SCFD2: variants seen among roughly 807,000 people sequenced by gnomAD.
SCFD2 encodes the protein sec1 family domain-containing protein 2.
SCFD2 carries 54 observed loss-of-function variants against 58.9 expected under a neutral mutation model. The observed-to-expected ratio is 0.92, with a 90% confidence interval of 0.74 to 1.15. The LOEUF (loss-of-function observed/expected upper bound fraction) is 1.15. Among genes scored for constraint, SCFD2 ranks in the 50% most tolerant of loss-of-function variants. The pLI, the probability that SCFD2 is intolerant of heterozygous loss-of-function variation, is 0.00. For missense variants in SCFD2, 805 were observed against 836.6 expected (o/e 0.96, Z 0.47); for synonymous variants, 321 against 335.9 (o/e 0.96, Z 0.49).
intron 5 of SCFD2, among the ~76,000 whole-genome samples, chr4:53,062,829 T>C (rs944026100): frequency 6.6e-6 from 1 of 152,166 alleles, no homozygotes; most frequent in Non-Finnish European, 1.5e-5. Context: ...AAATCACATC[T>C]GTGATTAGAC....
chr4:52,963,121 A>C (rs1228853711), intron 5 of SCFD2, among the ~76,000 whole-genome samples: 1 of 152,224 alleles, frequency 6.6e-6, no homozygotes, highest in Admixed American at 6.5e-5. Flanking sequence ...AGTTTTACCA[A>C]GTCGAAGTCT....
intron 4 of SCFD2, among the ~76,000 whole-genome samples, chr4:53,251,122 A>G (rs1730357714): frequency 6.6e-6 from 1 of 152,254 alleles, no homozygotes; most frequent in South Asian, 2.1e-4. Context: ...CAAATAAACA[A>G]GAAAATCTAG....
chr4:52,898,775 T>C (rs1219873212), intron 7 of SCFD2, among the ~76,000 whole-genome samples: 4 of 152,186 alleles, frequency 2.6e-5, no homozygotes, highest in Non-Finnish European at 5.9e-5. Flanking sequence ...CCACTATTAT[T>C]GTGTGGGAGT....
At chr4:53,339,847 T>C (rs549470601) in intron 2 of SCFD2, among the ~76,000 whole-genome samples, 54 of 151,486 alleles carry the variant, frequency 3.6e-4, no homozygotes, top group East Asian at 7.7e-4. Flanking sequence ...ACAGAAAGAC[T>C]GGATAAAAGA....
rs181421992 is a variant in SCFD2 at position 53,181,762 on chromosome 4, G to A, written c.1312-36180C>T. Among the ~76,000 whole-genome samples, 21 of 152,214 alleles carry A rather than the reference G, an allele frequency of 1.4e-4. No homozygotes were observed. The South Asian group carries it at 2.1e-3, about 15-fold the overall frequency. On this transcript the variant is annotated intron_variant, in intron 4 of 8. Transcript: ENST00000401642. The stretch of plus-strand genomic sequence containing the variant: ...GATTGAATATCTAGAAAACCCCATC[G>A]TCTCAGCCCAAAATCTCCTCAAGCT...
At chr4:53,000,411 T>A (rs1721837432) in intron 5 of SCFD2, among the ~76,000 whole-genome samples, 1 of 152,148 alleles carries the variant, frequency 6.6e-6, no homozygotes, top group Non-Finnish European at 1.5e-5. Flanking sequence ...CAGCAACAAG[T>A]GGCTGGAGCT....
intron 5 of SCFD2, among the ~76,000 whole-genome samples, chr4:53,072,863 T>C (rs372827385): frequency 1.3e-5 from 2 of 152,102 alleles, no homozygotes; most frequent in South Asian, 2.1e-4. Context: ...ATCCTAGTTT[T>C]CTGTGGCCAC....
intron 2 of SCFD2, among the ~76,000 whole-genome samples, chr4:53,322,017 T>C (rs764237147): frequency 6.6e-6 from 1 of 152,084 alleles, no homozygotes; most frequent in South Asian, 2.1e-4. Context: ...AAAACAGAGA[T>C]TGAGAACTTT....
intron 6 of SCFD2, among the ~76,000 whole-genome samples, chr4:52,912,920 C>T (rs1451309061): frequency 2.6e-5 from 4 of 152,192 alleles, no homozygotes; most frequent in Admixed American, 1.3e-4. Flanking sequence ...GATTCTCTCG[C>T]ATGCTAGGAA....
At chr4:52,905,895 C>T (rs1719336646) in intron 7 of SCFD2, among the ~76,000 whole-genome samples, 1 of 152,208 alleles carries the variant, frequency 6.6e-6, no homozygotes, top group Admixed American at 6.5e-5. Flanking sequence ...CCTTACACAA[C>T]ACGACTCTGT....
At chr4:52,930,275 A>G (rs1719959209) in intron 5 of SCFD2, among the ~76,000 whole-genome samples, 1 of 152,178 alleles carries the variant, frequency 6.6e-6, no homozygotes, top group Non-Finnish European at 1.5e-5. Context: ...TCCCTATTTA[A>G]TAAGTGGTGC....
chr4:53,347,599 G>A (rs546505334), intron 2 of SCFD2, among the ~76,000 whole-genome samples: 5 of 152,292 alleles, frequency 3.3e-5, no homozygotes, highest in African/African-American at 1.2e-4. Flanking sequence ...AGGAAAAAGG[G>A]AAATGGTGCC....
intron 5 of SCFD2, among the ~76,000 whole-genome samples, chr4:52,992,038 C>T (rs374275287): frequency 9.9e-5 from 15 of 151,962 alleles, no homozygotes; most frequent in African/African-American, 2.9e-4. Context: ...TCCCTCTCCC[C>T]GCAGTCTCCC....
At chr4:53,211,031 T>A (rs1259480991) in intron 4 of SCFD2, among the ~76,000 whole-genome samples, 1 of 150,530 alleles carries the variant, frequency 6.6e-6, no homozygotes, top group Non-Finnish European at 1.5e-5. Context: ...GATCATGAGG[T>A]CAGGAGATCA....
intron 4 of SCFD2, among the ~76,000 whole-genome samples, chr4:53,234,382 A>G (rs1729530829): frequency 6.6e-6 from 1 of 152,208 alleles, no homozygotes; most frequent in East Asian, 1.9e-4. Flanking sequence ...GGAGAGATTT[A>G]TATTTCTTGG....
intron 5 of SCFD2, among the ~76,000 whole-genome samples, chr4:52,942,668 A>G (rs1244556983): frequency 6.6e-6 from 1 of 152,318 alleles, no homozygotes; most frequent in East Asian, 1.9e-4. Flanking sequence ...ACTGAGAGAA[A>G]GGCAACTTTG....
At chr4:52,879,820 T>C (rs1346856006) in intron 8 of SCFD2, among the ~76,000 whole-genome samples, 1 of 152,236 alleles carries the variant, frequency 6.6e-6, no homozygotes, top group Non-Finnish European at 1.5e-5. Flanking sequence ...TTACATTCCA[T>C]ATCCCCCTGA....
At chr4:52,996,658 G>C (rs756427926) in intron 5 of SCFD2, among the ~76,000 whole-genome samples, 1 of 152,164 alleles carries the variant, frequency 6.6e-6, no homozygotes, top group Admixed American at 6.5e-5. Flanking sequence ...TAACTAATCT[G>C]GCCCATCTCA....
chr4:53,315,279 A>T (rs1239565233), intron 2 of SCFD2, among the ~76,000 whole-genome samples: 1 of 151,574 alleles, frequency 6.6e-6, no homozygotes, highest in Non-Finnish European at 1.5e-5. Flanking sequence ...CAAGAAAGAT[A>T]TAAAATCTTG....
Sources: allele counts gnomAD v4.1 joint callset (sites outside exome capture counted in the v4.1 genomes callset), GRCh38; gene constraint gnomAD v4.1.1; transcripts MANE v1.5; gene names NCBI Gene and HGNC (gene_info 2026-07-23, HGNC 2026-07-21).